The following HSD17B1 variants were observed in gnomAD, a reference collection of about 807,000 sequenced individuals.
HSD17B1 encodes 17-beta-hydroxysteroid dehydrogenase type 1.
A neutral mutation model predicts 22.7 loss-of-function variants in HSD17B1; 16 were observed. That is an observed-to-expected ratio of 0.71 (90% CI 0.48 to 1.07). The LOEUF (loss-of-function observed/expected upper bound fraction) is 1.07. Among genes scored for constraint, HSD17B1 ranks in the 50% least tolerant of loss-of-function variants. The pLI is 0.00. For synonymous variants in HSD17B1, 243 were observed against 211.0 expected, an observed-to-expected ratio of 1.15 and a Z score of -1.31; for missense variants, 533 against 459.9, an observed-to-expected ratio of 1.16 and a Z score of -1.45.
In HSD17B1 at chr17:42,554,890, T is replaced by G; in HGVS notation, c.939T>G (p.Gly313=). The G allele has an allele frequency of 1.3e-6, 2 of 1,536,136 alleles. No homozygotes were observed. Among genetic ancestry groups the G allele is most frequent in the Non-Finnish European group, 1.7e-6 (2 of 1,149,654 alleles). Reference sequence around the variant, plus strand: ...GGGCAGAGGACGAGGCCGGGCGCGGTGCGGTGGGGGACCCTGAGCTCGGCG... The same window carrying G: ...GGGCAGAGGACGAGGCCGGGCGCGGGGCGGTGGGGGACCCTGAGCTCGGCG... ...GPGAEDEAGR[G]AVGDPELGDP... is the part of the protein sequence containing the mutation. Residue 313 remains glycine (G), a synonymous_variant, in exon 6 of 6, where the codon GGT becomes GGG. Coordinates refer to ENST00000585807, the MANE Select transcript of HSD17B1 (RefSeq NM_000413.4).
Position 42,554,838 on chromosome 17 carries a change from CCGAGGCTGGGGG to C in HSD17B1, c.890_901del (p.Glu297_Gly300del), listed in dbSNP as rs765459213. The C allele has an allele frequency of 6.3e-7, 1 of 1,594,528 alleles. No individual in the cohort carries two copies. Among genetic ancestry groups the C allele is most frequent in the South Asian group, 1.1e-5 (1 of 90,454 alleles). On this transcript the variant is annotated inframe_deletion, in exon 6 of 6. Coordinates refer to ENST00000585807, the MANE Select transcript of HSD17B1 (RefSeq NM_000413.4). The stretch of plus-strand genomic sequence containing the variant: ...GTTCCGGCAAAGGCCGAGGCTGGGG[CCGAGGCTGGGGG>C]CGGGGCCGGGCCTGGGGCAGAGGAC...
At position 42,553,779 on chromosome 17, in the gene HSD17B1, G is replaced by A. The variant is rs1338800709; in HGVS notation, c.446-15G>A. ...CTGGCCGCTGCGCCTCAGGAACCTC[G>A]TCTCCCCACCTAAGGGCTGCCTTTC... On this transcript the variant is annotated splice_polypyrimidine_tract_variant and intron_variant, in intron 3 of 5. Transcript: ENST00000585807. 3.7e-6 allele frequency: 6 copies of A among 1,611,848 alleles called. No homozygotes were observed. Among genetic ancestry groups the A allele is most frequent in the South Asian group, 1.1e-5 (1 of 90,722 alleles).
intron 4 of HSD17B1, 135 bp downstream of exon 4, chr17:42,554,022 A>T (rs2092953960): frequency 2.4e-6 from 2 of 816,340 alleles, no homozygotes; most frequent in African/African-American, 3.4e-5. Context: ...TGTGCCAGGC[A>T]CTTGGGCTGG....
At position 42,553,802 on chromosome 17, in the gene HSD17B1, T is replaced by C. The variant is rs1239288077; in HGVS notation, c.454T>C (p.Phe152Leu). The C allele has an allele frequency of 9.3e-6, 15 of 1,612,990 alleles. No homozygotes were observed. In the Admixed American group the frequency reaches 2.5e-4, roughly 27 times the overall value. ...TCGTCTCCCCACCTAAGGGCTGCCT[T>C]TCAATGACGTTTATTGCGCCAGCAA... is the stretch of plus-strand genomic sequence containing the variant. ...GSVGGLMGLP[F>L]NDVYCASKFA... Residue 152 changes from phenylalanine to leucine, a missense_variant, in exon 4 of 6, where the codon TTC becomes CTC. Phe to Leu is a conservative substitution (Grantham distance 22). Coordinates refer to ENST00000585807, the MANE Select transcript of HSD17B1 (RefSeq NM_000413.4).
chr17:42,553,362 G>A, intron 2 of HSD17B1, 71 bp downstream of exon 2: 1 of 1,604,166 alleles, frequency 6.2e-7, no homozygotes, highest in South Asian at 1.1e-5. Context: ...CATGTTCCCA[G>A]GCCCAGGGAG....
Position 42,554,782 on chromosome 17 carries a change from C to A in HSD17B1, c.831C>A (p.Val277=). ...ACGACCCCAGCGGCTCCAACTACGT[C>A]ACCGCCATGCACCGGGAAGTGTTCG... is the stretch of plus-strand genomic sequence containing the variant. The part of the protein sequence containing the change: ...RLDDPSGSNY[V]TAMHREVFGD... The change falls in exon 6 of 6, where the codon GTC becomes GTA. Residue 277 remains valine, a synonymous_variant. Coordinates refer to ENST00000585807, the MANE Select transcript of HSD17B1 (RefSeq NM_000413.4). 1 of 1,602,860 alleles carries A rather than the reference C, an allele frequency of 6.2e-7. No individual in the cohort carries two copies.
chr17:42,553,231 G>A lies in HSD17B1; in HGVS notation c.205G>A (p.Asp69Asn), dbSNP rs746262403. The A allele has an allele frequency of 3.7e-6, 6 of 1,613,396 alleles. No homozygotes were observed. The highest frequency in any genetic ancestry group is 2.7e-5 in the African/African-American group (2 of 74,952). Residue 69 changes from aspartate (D) to asparagine (N), a missense_variant, in exon 2 of 6, where the codon GAC (aspartate) becomes AAC (asparagine). By Grantham distance (23) the Asp-to-Asn change is conservative. Coordinates refer to ENST00000585807, the MANE Select transcript of HSD17B1 (RefSeq NM_000413.4). ...GGAGACGTTGCAGCTGGACGTAAGG[G>A]ACTCAAAATCCGTGGCCGCTGCCCG... is the stretch of plus-strand genomic sequence containing the variant. Reference protein sequence around the residue: ...SLETLQLDVRDSKSVAAARER... With the variant: ...SLETLQLDVRNSKSVAAARER...
At position 42,554,830 on chromosome 17, in the gene HSD17B1, G is replaced by A; in HGVS notation, c.879G>A (p.Glu293=). 1 of 1,596,630 alleles carries A rather than the reference G, an allele frequency of 6.3e-7. No homozygotes were observed. The highest frequency in any genetic ancestry group is 1.1e-5 in the South Asian group (1 of 90,668). ...TCGGCGACGTTCCGGCAAAGGCCGAGGCTGGGGCCGAGGCTGGGGGCGGGG... is the reference window on the plus strand; with the variant it reads ...TCGGCGACGTTCCGGCAAAGGCCGAAGCTGGGGCCGAGGCTGGGGGCGGGG... ...EVFGDVPAKA[E]AGAEAGGGAG... The change falls in exon 6 of 6, where the codon GAG becomes GAA. Residue 293 remains glutamate, a synonymous_variant. Transcript: ENST00000585807.
rs531916207 is a variant in HSD17B1, at chr17:42,553,378, G to T, written c.266-61G>T. ...ATGTTCCCAGGCCCAGGGAGCACGA[G>T]GGGACAGGCCGTGCTGAGGGTGATG... On this transcript the variant is annotated intron_variant, in intron 2 of 5. Transcript: ENST00000585807. 4 of 1,604,876 alleles carry T rather than the reference G, an allele frequency of 2.5e-6. No homozygotes were observed. The African/African-American group carries it at 5.3e-5, about 21-fold the overall frequency.
chr17:42,554,189 G>T, intron 4 of HSD17B1: 1 of 721,818 alleles, frequency 1.4e-6, no homozygotes, highest in Non-Finnish European at 2.2e-6. Flanking sequence ...GGGCTCCCTT[G>T]TAGCCTCAGA....
rs771264197 is a variant in HSD17B1 at position 42,554,491 on chromosome 17, A to G, written c.626A>G (p.Asp209Gly). Residue 209 changes from aspartate to glycine, a missense_variant, in exon 5 of 6, where the codon GAC becomes GGC. Coordinates refer to ENST00000585807, the MANE Select transcript of HSD17B1 (RefSeq NM_000413.4). ...CCAGAGGAGGTGCTGGACCGCACGG[A>G]CATCCACACCTTCCACCGCTTCTAC... is the stretch of plus-strand genomic sequence containing the variant. ...GSPEEVLDRT[D>G]IHTFHRFYQY... 6.2e-7 allele frequency: 1 copy of G among 1,613,828 alleles called. No individual in the cohort carries two copies. The highest frequency in any genetic ancestry group is 8.5e-7 in the Non-Finnish European group (1 of 1,179,880).
chr17:42,554,328 C>G (rs2092955106), intron 4 of HSD17B1, 77 bp from the exon 5 acceptor site: 2 of 1,482,088 alleles, frequency 1.3e-6, no homozygotes, highest in South Asian at 2.6e-5. Context: ...GTGGTTGGGG[C>G]TGGGACTGGG....
Position 42,553,830 on chromosome 17 carries a change from T to G in HSD17B1, c.482T>G (p.Phe161Cys), listed in dbSNP as rs1445906513. 4 of 1,613,474 alleles carry G rather than the reference T, an allele frequency of 2.5e-6. No homozygotes were observed. The highest frequency in any genetic ancestry group is 1.6e-4 in the Middle Eastern group (1 of 6,082). The change falls in exon 4 of 6, where the codon TTC becomes TGC. Residue 161 changes from phenylalanine (F) to cysteine (C), a missense_variant. Phe to Cys is a radical substitution (Grantham distance 205, BLOSUM62 -2). Transcript: ENST00000585807. ...PFNDVYCASK[F>C]ALEGLCESLA... is the part of the protein sequence containing the mutation. The stretch of plus-strand genomic sequence containing the variant: ...AATGACGTTTATTGCGCCAGCAAGT[T>G]CGCGCTCGAAGGCTTATGCGAGAGT...
chr17:42,555,046 C>A lies in HSD17B1; in HGVS notation c.*108C>A. On this transcript the variant is annotated 3_prime_UTR_variant, in exon 6 of 6. Coordinates refer to ENST00000585807, the MANE Select transcript of HSD17B1 (RefSeq NM_000413.4). ...CTGTGGGTGGCTAATTAAGATAGAT[C>A]GCGTTAGCCAGTTTTACCAGCGCAG... The A allele has an allele frequency of 7.2e-7, 1 of 1,386,700 alleles. No homozygotes were observed. The highest frequency in any genetic ancestry group is 1.7e-5 in the South Asian group (1 of 60,302). The allele number at this position is 1,386,700 out of a possible 1,614,324, so 85.9% of individuals were successfully genotyped here.
rs371977976 is a variant in HSD17B1, at chr17:42,553,798, G to A, written c.450G>A (p.Leu150=). 1.1e-4 allele frequency: 173 copies of A among 1,612,896 alleles called. 1 individual carries two copies. The highest frequency in any genetic ancestry group is 1.4e-4 in the Non-Finnish European group (168 of 1,179,480). Residue 150 remains leucine, a synonymous_variant, in exon 4 of 6, where the codon CTG becomes CTA. Transcript: ENST00000585807. ...AACCTCGTCTCCCCACCTAAGGGCT[G>A]CCTTTCAATGACGTTTATTGCGCCA... is the stretch of plus-strand genomic sequence containing the variant. ...VTGSVGGLMG[L]PFNDVYCASK...
In HSD17B1 at chr17:42,553,465, G is replaced by C; in HGVS notation, c.292G>C (p.Gly98Arg). The change falls in exon 3 of 6, where the codon GGG becomes CGG. Residue 98 changes from glycine to arginine, a missense_variant. Physicochemically the swap from Gly to Arg is moderately radical, Grantham distance 125. Transcript: ENST00000585807. ...LVCNAGLGLLGPLEALGEDAV... is the reference protein window; with the variant it reads ...LVCNAGLGLLRPLEALGEDAV... ...GTGTAACGCAGGCCTGGGCCTGCTG[G>C]GGCCGCTGGAGGCGCTGGGGGAGGA... 1 of 1,613,420 alleles carries C rather than the reference G, an allele frequency of 6.2e-7. No individual in the cohort carries two copies. The highest frequency in any genetic ancestry group is 8.5e-7 in the Non-Finnish European group (1 of 1,179,866).
At chr17:42,554,020 G>A (rs2092953944) in intron 4 of HSD17B1, 133 bp downstream of exon 4, 1 of 825,076 alleles carries the variant, frequency 1.2e-6, no homozygotes, top group African/African-American at 1.7e-5. Flanking sequence ...TGTGTGCCAG[G>A]CACTTGGGCT....
intron 4 of HSD17B1, 93 bp from the exon 5 acceptor site, chr17:42,554,312 C>T: frequency 2.1e-6 from 3 of 1,450,694 alleles, no homozygotes; most frequent in Non-Finnish European, 9.1e-7. Context: ...GGTCGGGGGC[C>T]GGGACGTGGT....
rs2092949523 is a variant in HSD17B1, at chr17:42,553,239, A to C, written c.213A>C (p.Lys71Asn). The change falls in exon 2 of 6, where the codon AAA becomes AAC. Residue 71 changes from lysine (K) to asparagine (N), a missense_variant. Physicochemically the swap from Lys to Asn is moderately conservative, Grantham distance 94 (BLOSUM62 0). Coordinates refer to ENST00000585807, the MANE Select transcript of HSD17B1 (RefSeq NM_000413.4). ...ETLQLDVRDS[K>N]SVAAARERVT... Reference sequence around the variant, plus strand: ...TGCAGCTGGACGTAAGGGACTCAAAATCCGTGGCCGCTGCCCGGGAACGCG... The same window carrying C: ...TGCAGCTGGACGTAAGGGACTCAAACTCCGTGGCCGCTGCCCGGGAACGCG... 4 of 1,613,180 alleles carry C rather than the reference A, an allele frequency of 2.5e-6. No homozygotes were observed. Among genetic ancestry groups the C allele is most frequent in the South Asian group, 1.1e-5 (1 of 91,084 alleles).
Sources: allele counts gnomAD v4.1 joint callset, GRCh38; gene constraint gnomAD v4.1.1; transcripts MANE v1.5; gene names NCBI Gene and HGNC (gene_info 2026-07-23, HGNC 2026-07-21).